Variants in MARCHF1 observed in about 807,000 individuals in gnomAD.
The protein encoded by MARCHF1 is E3 ubiquitin-protein ligase MARCHF1.
MARCHF1 carries 40 observed loss-of-function variants against 54.2 expected under a neutral mutation model. The ratio of observed to expected loss-of-function variants is 0.74; its 90% CI spans 0.57 to 0.96. The LOEUF is 0.96. Among genes scored for constraint, MARCHF1 ranks in the 40% least tolerant of loss-of-function variants. The pLI is 0.00. For missense variants in MARCHF1, 586 were observed against 656.5 expected (o/e 0.89, Z 1.17); for synonymous variants, 236 against 236.3 (o/e 1.00, Z 0.01).
Position 164,309,281 on chromosome 4 carries a change from T to C in MARCHF1, c.-323+74589A>G, listed in dbSNP as rs964551027. Among the ~76,000 whole-genome samples the C allele has an allele frequency of 1.1e-3, 169 of 147,804 alleles. No individual in the cohort carries two copies. The East Asian group carries it at 0.028, about 25-fold the overall frequency. Reference sequence around the variant, plus strand: ...GTGTGTGTGTGTGTGTGTGTGTGTGTGTGCGCGTGTGTGTCTGTGTGTTAT... The same window carrying C: ...GTGTGTGTGTGTGTGTGTGTGTGTGCGTGCGCGTGTGTGTCTGTGTGTTAT... On this transcript the variant is annotated intron_variant, in intron 1 of 9. Coordinates refer to ENST00000514618, the MANE Select transcript of MARCHF1 (RefSeq NM_001394959.1).
At chr4:164,067,447 T>C (rs991316596) in intron 2 of MARCHF1, among the ~76,000 whole-genome samples, 2 of 152,154 alleles carry the variant, frequency 1.3e-5, no homozygotes, top group East Asian at 1.9e-4. Flanking sequence ...CATCTGATGA[T>C]CTTCAACAAG....
intron 3 of MARCHF1, among the ~76,000 whole-genome samples, chr4:163,881,479 A>G (rs1424795497): frequency 6.6e-6 from 1 of 152,122 alleles, no homozygotes; most frequent in Non-Finnish European, 1.5e-5. Context: ...CTCAAAAGAA[A>G]AAAAAAAATT....
intron 2 of MARCHF1, among the ~76,000 whole-genome samples, chr4:164,070,613 G>A (rs756230947): frequency 3.2e-4 from 49 of 152,172 alleles, no homozygotes; most frequent in Non-Finnish European, 6.3e-4. Flanking sequence ...TCCCAGCTTA[G>A]ATGATAAATT....
intron 4 of MARCHF1, among the ~76,000 whole-genome samples, chr4:163,796,455 A>C (rs1335063201): frequency 1.3e-5 from 2 of 152,002 alleles, no homozygotes; most frequent in Non-Finnish European, 1.5e-5. Flanking sequence ...CTAGCAATGA[A>C]TTTTGGCTTA....
intron 1 of MARCHF1, among the ~76,000 whole-genome samples, chr4:164,229,009 T>C (rs970425575): frequency 6.6e-6 from 1 of 152,152 alleles, no homozygotes; most frequent in Non-Finnish European, 1.5e-5. Flanking sequence ...GGCGTCTGTA[T>C]TAGCGAAAAT....
At chr4:163,698,657 AT>A (rs146357645) in intron 5 of MARCHF1, among the ~76,000 whole-genome samples, 4,506 of 152,266 alleles carry the variant, frequency 0.03, 75 homozygotes, top group East Asian at 0.077. Flanking sequence ...TAGACTGTGG[AT>A]TTTTTTGATT....
At chr4:164,338,639 C>T (rs959377345) in intron 1 of MARCHF1, among the ~76,000 whole-genome samples, 4 of 152,060 alleles carry the variant, frequency 2.6e-5, no homozygotes, top group Admixed American at 6.6e-5. Flanking sequence ...AAGTCAGAAA[C>T]TGTAACAAGT....
chr4:163,647,597 C>G (rs1742807842), intron 5 of MARCHF1, among the ~76,000 whole-genome samples: 1 of 151,582 alleles, frequency 6.6e-6, no homozygotes, highest in South Asian at 2.1e-4. Context: ...AACTAGGAAA[C>G]AGTAATAGAA....
chr4:163,818,969 G>A (rs929289759), intron 4 of MARCHF1, among the ~76,000 whole-genome samples: 2 of 152,022 alleles, frequency 1.3e-5, no homozygotes, highest in Non-Finnish European at 2.9e-5. Context: ...CCAGGCTCAC[G>A]GTCTTCTTTT....
At chr4:164,134,534 C>G (rs1442110137) in intron 1 of MARCHF1, among the ~76,000 whole-genome samples, 1 of 152,090 alleles carries the variant, frequency 6.6e-6, no homozygotes, top group East Asian at 1.9e-4. Context: ...GTGCATGTCT[C>G]CTGCTAATTT....
intron 3 of MARCHF1, among the ~76,000 whole-genome samples, chr4:163,909,082 T>C (rs561825053): frequency 1.3e-5 from 2 of 152,304 alleles, no homozygotes; most frequent in Admixed American, 1.3e-4. Context: ...ATAGTTCTTG[T>C]GGAACTTTTA....
intron 3 of MARCHF1, among the ~76,000 whole-genome samples, chr4:163,890,741 A>T (rs553699544): frequency 6.6e-6 from 1 of 152,026 alleles, no homozygotes; most frequent in South Asian, 2.1e-4. Context: ...TTACTTTTGG[A>T]ATAACAATCT....
intron 1 of MARCHF1, among the ~76,000 whole-genome samples, chr4:164,124,537 G>A (rs939469749): frequency 1.3e-5 from 2 of 152,056 alleles, no homozygotes; most frequent in South Asian, 2.1e-4. Flanking sequence ...AGTGTCCATC[G>A]ACAGACAAAT....
At chr4:163,870,847 G>A (rs1436767808) in intron 3 of MARCHF1, among the ~76,000 whole-genome samples, 3 of 152,088 alleles carry the variant, frequency 2.0e-5, no homozygotes, top group Non-Finnish European at 4.4e-5. Flanking sequence ...GTGGAGGGAA[G>A]AGCATTGCCA....
At chr4:163,753,639 A>T (rs115472268) in intron 4 of MARCHF1, among the ~76,000 whole-genome samples, 210 of 152,234 alleles carry the variant, frequency 1.4e-3, no homozygotes, top group African/African-American at 4.8e-3. Flanking sequence ...GAGCTGAAAG[A>T]AGTATTTCTA....
chr4:164,264,038 C>T (rs1192438588), intron 1 of MARCHF1, among the ~76,000 whole-genome samples: 1 of 152,170 alleles, frequency 6.6e-6, no homozygotes, highest in Non-Finnish European at 1.5e-5. Flanking sequence ...AAGACACATG[C>T]ATACAAATGT....
Position 164,314,437 on chromosome 4 carries a change from T to A in MARCHF1, c.-323+69433A>T, listed in dbSNP as rs919708591. The stretch of plus-strand genomic sequence containing the variant: ...CACTGTTAACTTTATCTTAAAAATT[T>A]TCTCAACTGTACATAAGTCATTGAC... On this transcript the variant is annotated intron_variant, in intron 1 of 9. Transcript: ENST00000514618. Among the ~76,000 whole-genome samples the A allele has an allele frequency of 2.0e-5, 3 of 152,188 alleles. No individual in the cohort carries two copies. The South Asian group carries it at 6.2e-4, about 31-fold the overall frequency.
intron 3 of MARCHF1, among the ~76,000 whole-genome samples, chr4:163,896,864 C>A (rs886927018): frequency 1.3e-5 from 2 of 152,030 alleles, no homozygotes; most frequent in Non-Finnish European, 2.9e-5. Context: ...AAATAATTAT[C>A]CCGCTTCCTC....
chr4:164,381,689 C>G (rs1224775952), intron 1 of MARCHF1, among the ~76,000 whole-genome samples: 1 of 152,074 alleles, frequency 6.6e-6, no homozygotes, highest in Non-Finnish European at 1.5e-5. Context: ...AGTGTACACC[C>G]CATCATGTAA....
Sources: allele counts gnomAD v4.1 joint callset (sites outside exome capture counted in the v4.1 genomes callset), GRCh38; gene constraint gnomAD v4.1.1; transcripts MANE v1.5; gene names NCBI Gene and HGNC (gene_info 2026-07-23, HGNC 2026-07-21).